The following MORC4 variants were observed in gnomAD, a reference collection of about 807,000 sequenced individuals.
The protein encoded by MORC4 is MORC family CW-type zinc finger 4, also known as MORC family CW-type zinc finger protein 4.
Under a neutral mutation model 65.5 loss-of-function variants are expected in MORC4, and 22 were observed. The observed-to-expected ratio is 0.34, with a 90% CI of 0.24 to 0.48. MORC4 has a LOEUF of 0.48. Among genes scored for constraint, MORC4 ranks in the 20% least tolerant of loss-of-function variants. The pLI is 0.99. For synonymous variants in MORC4, 267 were observed against 255.8 expected (o/e 1.04, Z -0.42); for missense variants, 624 against 703.0 (o/e 0.89, Z 1.27).
intron 7 of MORC4, among the ~76,000 whole-genome samples, chrX:106,979,459 T>C (rs1165465315): frequency 1.8e-5 from 2 of 110,865 alleles, no homozygotes; most frequent in African/African-American, 6.5e-5. Flanking sequence ...GGAGTGAGGG[T>C]ACAGTGGGGT....
At chrX:106,981,499 C>A in intron 5 of MORC4, 22 bp from the exon 6 acceptor site, 1 of 1,146,651 alleles carries the variant, frequency 8.7e-7, no homozygotes, top group Non-Finnish European at 1.2e-6. Flanking sequence ...AGACAAGTAC[C>A]AATCTAACAA....
At chrX:106,957,054 CT>C in intron 11 of MORC4, 50 bp from the exon 12 acceptor site, 1 of 808,581 alleles carries the variant, frequency 1.2e-6, no homozygotes, top group Non-Finnish European at 1.8e-6. Flanking sequence ...GGGTCCTTCA[CT>C]TTTACCTTTT....
chrX:106,979,789 T>C (rs763920877), intron 7 of MORC4, among the ~76,000 whole-genome samples: 42 of 110,934 alleles, frequency 3.8e-4, no homozygotes, highest in Admixed American at 9.6e-4. Context: ...CCTAACACAG[T>C]AGTTGGCAAG....
chrX:106,974,371 C>T (rs1934581040), intron 9 of MORC4, among the ~76,000 whole-genome samples: 1 of 111,288 alleles, frequency 9.0e-6, no homozygotes, highest in African/African-American at 3.3e-5. Flanking sequence ...CTAGCTATAT[C>T]CTGTTATCTC....
At chrX:106,956,041 A>G (rs1410155564) in intron 13 of MORC4, among the ~76,000 whole-genome samples, 1 of 111,376 alleles carries the variant, frequency 9.0e-6, no homozygotes, top group Non-Finnish European at 1.9e-5. Context: ...AATTTTTATA[A>G]AGCCAGCCAG....
intron 9 of MORC4, among the ~76,000 whole-genome samples, chrX:106,964,933 G>A (rs1156721260): frequency 9.1e-6 from 1 of 109,753 alleles, no homozygotes; most frequent in Non-Finnish European, 1.9e-5. Flanking sequence ...AGCTTGAACC[G>A]GGAAGGGGAG....
chrX:106,974,603 G>C (rs1156973224), intron 9 of MORC4, among the ~76,000 whole-genome samples: 1 of 111,465 alleles, frequency 9.0e-6, no homozygotes, highest in Non-Finnish European at 1.9e-5. Context: ...TTTATTGCTC[G>C]CCAAATTACT....
chrX:106,984,297 C>T (rs189707145), intron 5 of MORC4, among the ~76,000 whole-genome samples: 53 of 107,803 alleles, frequency 4.9e-4, no homozygotes, highest in South Asian at 8.2e-4. Context: ...AAAAAAATGT[C>T]CATGAATATG....
Position 106,956,490 on chromosome X carries a change from T to C in MORC4, c.1499A>G (p.Glu500Gly), listed in dbSNP as rs746224109. 40 of 1,205,117 alleles carry C rather than the reference T, an allele frequency of 3.3e-5. No individual in the cohort carries two copies. In the East Asian group the frequency reaches 1.1e-3, roughly 34 times the overall value. Residue 500 changes from glutamate (E) to glycine (G), a missense_variant, in exon 13 of 17, where the codon GAG (glutamate) becomes GGG (glycine). Glu to Gly is a moderately conservative substitution (Grantham distance 98, BLOSUM62 -2). Coordinates refer to ENST00000355610, the MANE Select transcript of MORC4 (RefSeq NM_024657.5). Reference sequence around the variant, plus strand: ...TGCACTGCCTCTCACCTGGTGGTTCTCATTTTCCATAGGCATCTTCTTCTT... The same window carrying C: ...TGCACTGCCTCTCACCTGGTGGTTCCCATTTTCCATAGGCATCTTCTTCTT... ...EEKKKMPMEN[E>G]NHQVFSNPPK...
chrX:106,985,918 A>T, intron 4 of MORC4, 65 bp downstream of exon 4: 1 of 910,379 alleles, frequency 1.1e-6, no homozygotes. Flanking sequence ...CTGAAGTTGG[A>T]ATCTAATCAA....
At chrX:106,958,539 C>A in intron 10 of MORC4, 75 bp from the exon 11 acceptor site, 6 of 907,772 alleles carry the variant, frequency 6.6e-6, no homozygotes, top group African/African-American at 2.0e-5. Context: ...AAAGGTGCAG[C>A]CAAAAAAAGA....
chrX:106,942,296 T>C, intron 15 of MORC4, 75 bp from the exon 16 acceptor site: 1 of 1,092,628 alleles, frequency 9.2e-7, no homozygotes, highest in South Asian at 2.1e-5. Flanking sequence ...ATGGTCATCC[T>C]GTGATTCCAC....
chrX:106,999,990 CCG>C lies in MORC4; in HGVS notation c.-23_-22del, dbSNP rs1259224469. The C allele has an allele frequency of 1.3e-6, 1 of 743,896 alleles. No homozygotes were observed. Among genetic ancestry groups the C allele is most frequent in the East Asian group, 6.2e-5 (1 of 16,181 alleles). The allele number at this position is 743,896 out of a possible 1,213,427, so 61.3% of individuals were successfully genotyped here. A position where few individuals can be genotyped will look rare whatever the true frequency, so the allele number is the denominator to read the frequency against. On this transcript the variant is annotated 5_prime_UTR_variant, in exon 1 of 17. Transcript: ENST00000355610. ...AGCATTTTTTTGGCCGCCACGGTACCCGTCTGCTGCCGCCGGACCCCTGGCCC... is the reference window on the plus strand; with the variant it reads ...AGCATTTTTTTGGCCGCCACGGTACCTCTGCTGCCGCCGGACCCCTGGCCC...
At chrX:106,981,656 A>G (rs1223275104) in intron 5 of MORC4, among the ~76,000 whole-genome samples, 179 bp from the exon 6 acceptor site, 3 of 111,946 alleles carry the variant, frequency 2.7e-5, no homozygotes, top group Non-Finnish European at 5.6e-5. Context: ...GACAATACTT[A>G]AGGGTATTCC....
Position 106,956,524 on chromosome X carries a change from C to A in MORC4, c.1465G>T (p.Val489Phe), listed in dbSNP as rs148107538. 41 of 1,204,076 alleles carry A rather than the reference C, an allele frequency of 3.4e-5. No individual in the cohort carries two copies. The African/African-American group carries it at 5.1e-4, about 15-fold the overall frequency. ...LSKAKKQEQT[V>F]EEKKKMPMEN... The stretch of plus-strand genomic sequence containing the variant: ...ATAGGCATCTTCTTCTTCTCCTCAA[C>A]AGTTTGTTCTCTAGGAGAAGATAAA... The change falls in exon 13 of 17, where the codon GTT (valine) becomes TTT (phenylalanine). Residue 489 changes from valine (V) to phenylalanine (F), a missense_variant. Val to Phe is a conservative substitution (Grantham distance 50). Transcript: ENST00000355610.
At position 106,986,181 on chromosome X, in the gene MORC4, C is replaced by T. The variant is rs747310435; in HGVS notation, c.328G>A (p.Val110Ile). The T allele has an allele frequency of 3.3e-6, 4 of 1,198,910 alleles. No homozygotes were observed. The change falls in exon 4 of 17, where the codon GTA (valine) becomes ATA (isoleucine). Residue 110 changes from valine to isoleucine, a missense_variant. By Grantham distance (29) the Val-to-Ile change is conservative (BLOSUM62 3). Coordinates refer to ENST00000355610, the MANE Select transcript of MORC4 (RefSeq NM_024657.5). ...ATGGGACACTGGCTCTTCTTTATTA[C>T]TTTATCTGTAAAGCCAAAGCTGCAA... ...RMLSFGFTDK[V>I]IKKSQCPIGV...
chrX:106,982,285 C>A (rs1039609921), intron 5 of MORC4, among the ~76,000 whole-genome samples: 1 of 112,255 alleles, frequency 8.9e-6, no homozygotes, highest in Non-Finnish European at 1.9e-5. Context: ...CATAAAAGTT[C>A]TATGATCAAA....
At chrX:106,946,468 T>A (rs2147803134) in intron 14 of MORC4, among the ~76,000 whole-genome samples, 1 of 112,791 alleles carries the variant, frequency 8.9e-6, no homozygotes, top group South Asian at 3.6e-4. Context: ...CAGTATTTCA[T>A]TCCTTTTCAT....
rs1265077583 is a variant in MORC4, at chrX:106,957,421, C to G, written c.1386-417G>C. On this transcript the variant is annotated intron_variant, in intron 11 of 16. Coordinates refer to ENST00000355610, the MANE Select transcript of MORC4 (RefSeq NM_024657.5). ...TCCATGGAAAGATACTTGGGCATAT[C>G]TAGAGACTATGAGGAAATGCTTATA... is the stretch of plus-strand genomic sequence containing the variant. 2.7e-5 allele frequency among the ~76,000 whole-genome samples: 3 copies of G among 111,560 alleles called. No homozygotes were observed. The Admixed American group carries it at 2.9e-4, about 11-fold the overall frequency.
Sources: allele counts gnomAD v4.1 joint callset (sites outside exome capture counted in the v4.1 genomes callset), GRCh38; gene constraint gnomAD v4.1.1; transcripts MANE v1.5; gene names NCBI Gene and HGNC (gene_info 2026-07-23, HGNC 2026-07-21).